The following DHX8 variants were observed in gnomAD, a reference collection of about 807,000 sequenced individuals.
DHX8 encodes ATP-dependent RNA helicase DHX8.
A neutral mutation model predicts 140.7 loss-of-function variants in DHX8; 67 were observed. That is an observed-to-expected ratio of 0.48 (90% CI 0.39 to 0.58). DHX8 has a LOEUF of 0.58. Among genes scored for constraint, DHX8 ranks in the 20% least tolerant of loss-of-function variants. DHX8 has a pLI of 0.00. For synonymous variants in DHX8, 533 were observed against 553.2 expected (o/e 0.96, Z 0.51); for missense variants, 887 against 1,550.7 (o/e 0.57, Z 7.19).
At position 43,520,086 on chromosome 17, in the gene DHX8, T is replaced by A. The variant is rs781454476; in HGVS notation, c.2800-44T>A. ...AGCTTCCCCACATGCTGACACTGGC[T>A]AGACTGACCCTCTTATCACATGCCT... On this transcript the variant is annotated intron_variant, in intron 18 of 22. Coordinates refer to ENST00000262415, the MANE Select transcript of DHX8 (RefSeq NM_004941.3). The A allele has an allele frequency of 1.9e-6, 3 of 1,611,948 alleles. No homozygotes were observed. The African/African-American group carries it at 4.0e-5, about 22-fold the overall frequency.
intron 3 of DHX8, chr17:43,544,052 G>A (rs1241503116): frequency 6.6e-6 from 1 of 152,178 alleles, no homozygotes; most frequent in African/African-American, 2.4e-5. Context: ...GGAGTTCCTA[G>A]TGTTTTGGCT....
At chr17:43,498,827 T>C in intron 9 of DHX8, 35 bp from the exon 10 acceptor site, 7 of 1,523,664 alleles carry the variant, frequency 4.6e-6, no homozygotes, top group Non-Finnish European at 6.3e-6. Context: ...TTTTTTCTTG[T>C]TTATGGCTAA....
intron 18 of DHX8, chr17:43,518,397 A>G (rs1970216106): frequency 1.3e-5 from 2 of 152,112 alleles, no homozygotes. Flanking sequence ...CATGCCAGGC[A>G]TGTAGATTGC....
chr17:43,515,557 T>G (rs1424465844), intron 17 of DHX8, among the ~76,000 whole-genome samples: 1 of 152,234 alleles, frequency 6.6e-6, no homozygotes, highest in Non-Finnish European at 1.5e-5. Context: ...ATTCTCGCAT[T>G]GATCCTATGT....
At chr17:43,532,638 G>T in intron 2 of DHX8, 4 of 1,580,220 alleles carry the variant, frequency 2.5e-6, no homozygotes, top group Non-Finnish European at 3.5e-6. Context: ...CTGAACACTT[G>T]ATCACATGCC....
chr17:43,521,605 C>T (rs1051331247), intron 21 of DHX8, 40 bp downstream of exon 21: 2 of 1,573,244 alleles, frequency 1.3e-6, no homozygotes, highest in Admixed American at 3.4e-5. Flanking sequence ...TTGAGTTGAA[C>T]CACCTTGAGT....
Position 43,490,416 on chromosome 17 carries a change from G to A in DHX8, c.260G>A (p.Arg87His). The A allele has an allele frequency of 6.2e-7, 1 of 1,613,516 alleles. No homozygotes were observed. The highest frequency in any genetic ancestry group is 8.5e-7 in the Non-Finnish European group (1 of 1,179,880). The change falls in exon 3 of 23, where the codon CGT (arginine) becomes CAT (histidine). Residue 87 changes from arginine to histidine, a missense_variant. Physicochemically the swap from Arg to His is conservative, Grantham distance 29. Transcript: ENST00000262415. ...FTDSLISNLLRLIQTMRPPAK... is the reference protein window; with the variant it reads ...FTDSLISNLLHLIQTMRPPAK... ...GATTCTCTTATTAGTAACTTGCTGC[G>A]TCTCATACAAACCATGCGGCCTCCA...
Position 43,507,212 on chromosome 17 carries a change from G to C in DHX8, c.1923+15G>C. On this transcript the variant is annotated intron_variant, in intron 13 of 22. Transcript: ENST00000262415. Reference sequence around the variant, plus strand: ...TAGGCCAAGAGGTAAGTAGATAGTGGAGTCGCTCGAAAAATACCAGAAGCA... The same window carrying C: ...TAGGCCAAGAGGTAAGTAGATAGTGCAGTCGCTCGAAAAATACCAGAAGCA... The C allele has an allele frequency of 6.3e-7, 1 of 1,586,794 alleles. No homozygotes were observed. Among genetic ancestry groups the C allele is most frequent in the African/African-American group, 1.4e-5 (1 of 73,888 alleles).
downstream of DHX8, chr17:43,530,411 A>C: frequency 8.5e-6 from 12 of 1,415,966 alleles, no homozygotes; most frequent in Non-Finnish European, 1.1e-5. Context: ...AGGCCATGGA[A>C]GGCAGCAGCG....
downstream of DHX8, chr17:43,526,571 C>T: frequency 6.5e-7 from 1 of 1,535,616 alleles, no homozygotes; most frequent in South Asian, 1.2e-5. Context: ...AGGATTTGAA[C>T]AAAGAACTGG....
intron 3 of DHX8, chr17:43,543,927 C>T (rs1415087092): frequency 2.6e-5 from 4 of 152,016 alleles, no homozygotes; most frequent in Admixed American, 6.6e-5. Context: ...CTTTTTACTC[C>T]GAGCTTCTAT....
chr17:43,490,554 C>A, intron 3 of DHX8, 91 bp downstream of exon 3: 2 of 1,073,322 alleles, frequency 1.9e-6, no homozygotes, highest in Non-Finnish European at 1.4e-6. Flanking sequence ...TCAGCAGTTG[C>A]TGAGCAAGTA....
chr17:43,517,635 A>G, intron 18 of DHX8: 2 of 270,092 alleles, frequency 7.4e-6, no homozygotes, highest in Non-Finnish European at 1.4e-5. Flanking sequence ...CTGTGGACAC[A>G]CACACCTAAC....
In DHX8 at chr17:43,508,810, G is replaced by A. The variant is rs541736918; in HGVS notation, c.2502+290G>A. ...AATTTTTTGTATTTTTAGTAGAGAC[G>A]GGGTTTCACCGTGTTAGCCAGTATG... is the stretch of plus-strand genomic sequence containing the variant. On this transcript the variant is annotated intron_variant, in intron 16 of 22. Coordinates refer to ENST00000262415, the MANE Select transcript of DHX8 (RefSeq NM_004941.3). 1.5e-3 allele frequency among the ~76,000 whole-genome samples: 231 copies of A among 151,962 alleles called. 2 individuals are homozygous for A. Among genetic ancestry groups the A allele is most frequent in the African/African-American group, 5.2e-3 (215 of 41,442 alleles).
Position 43,489,506 on chromosome 17 carries a change from C to G in DHX8, c.206C>G (p.Ser69Cys). The G allele has an allele frequency of 6.2e-7, 1 of 1,609,444 alleles. No individual in the cohort carries two copies. Among genetic ancestry groups the G allele is most frequent in the Non-Finnish European group, 8.5e-7 (1 of 1,178,684 alleles). ...KNTTFDTFKASLVKNGAEFTD... is the reference protein window; with the variant it reads ...KNTTFDTFKACLVKNGAEFTD... Reference sequence around the variant, plus strand: ...ACCACCTTTGATACTTTTAAGGCTTCTCTCGTCAAAAATGGTGCAGAATTT... The same window carrying G: ...ACCACCTTTGATACTTTTAAGGCTTGTCTCGTCAAAAATGGTGCAGAATTT... Residue 69 changes from serine (S) to cysteine (C), a missense_variant, in exon 2 of 23, where the codon TCT (serine) becomes TGT (cysteine). Around this residue, in one of 9 missense-constraint regions of DHX8, gnomAD observed 304 missense variants for 306.9 expected, o/e 0.99. Coordinates refer to ENST00000262415, the MANE Select transcript of DHX8 (RefSeq NM_004941.3).
chr17:43,487,135 T>C (rs945447419), intron 1 of DHX8, among the ~76,000 whole-genome samples: 1 of 152,216 alleles, frequency 6.6e-6, no homozygotes, highest in Non-Finnish European at 1.5e-5. Context: ...CACCTACTTA[T>C]GAGGGTTGTT....
At position 43,520,261 on chromosome 17, in the gene DHX8, C is replaced by T. The variant is rs746461541; in HGVS notation, c.2931C>T (p.Gly977=). The T allele has an allele frequency of 3.1e-6, 5 of 1,613,962 alleles. No individual in the cohort carries two copies. The highest frequency in any genetic ancestry group is 4.2e-6 in the Non-Finnish European group (5 of 1,179,918). ...ACGAGGGCCTGCTCACTCGCTTGGGCCGCCGGGTAAGGGACAGACTCAACT... is the reference window on the plus strand; with the variant it reads ...ACGAGGGCCTGCTCACTCGCTTGGGTCGCCGGGTAAGGGACAGACTCAACT... The part of the protein sequence containing the change: ...LDDEGLLTRL[G]RRMAEFPLEP... Residue 977 remains glycine (G), a synonymous_variant, in exon 19 of 23, where the codon GGC becomes GGT. Coordinates refer to ENST00000262415, the MANE Select transcript of DHX8 (RefSeq NM_004941.3).
At chr17:43,535,167 T>C (rs1037657765) in intron 2 of DHX8, among the ~76,000 whole-genome samples, 1 of 152,240 alleles carries the variant, frequency 6.6e-6, no homozygotes, top group African/African-American at 2.4e-5. Context: ...TCCAGTCAAA[T>C]GCCGTTTGTA....
At chr17:43,520,294 C>T in intron 19 of DHX8, 27 bp downstream of exon 19, 1 of 1,608,918 alleles carries the variant, frequency 6.2e-7, no homozygotes, top group Non-Finnish European at 8.5e-7. Context: ...ACTTCCTGTG[C>T]TTTTGGGAAG....
Sources: allele counts gnomAD v4.1 joint callset (sites outside exome capture counted in the v4.1 genomes callset), GRCh38; gene constraint gnomAD v4.1.1; regional missense constraint gnomAD v4.1.1; transcripts MANE v1.5; gene names NCBI Gene and HGNC (gene_info 2026-07-23, HGNC 2026-07-21).